The following PRPF8 variants were observed in gnomAD, a reference collection of about 807,000 sequenced individuals.
PRPF8 encodes the protein pre-mRNA processing factor 8.
Under a neutral mutation model 285.9 loss-of-function variants are expected in PRPF8, and 64 were observed. That is an observed-to-expected ratio of 0.22 (90% confidence interval 0.18 to 0.28). The LOEUF (loss-of-function observed/expected upper bound fraction) is 0.28, where lower values mean the gene tolerates loss of function less well. Among genes scored for constraint, PRPF8 ranks in the 10% least tolerant of loss-of-function variants. The probability of loss-of-function intolerance (pLI) is 1.00; values close to 1 mark genes in which losing one functional copy is unlikely to be tolerated. For synonymous variants in PRPF8, 1,325 were observed against 1,118.2 expected (o/e 1.18, Z -3.69); for missense variants, 1,426 against 3,026.7 (o/e 0.47, Z 12.41).
chr17:1,669,878 A>G (rs1426597343), intron 24 of PRPF8, among the ~76,000 whole-genome samples: 1 of 151,962 alleles, frequency 6.6e-6, no homozygotes, highest in Non-Finnish European at 1.5e-5. Flanking sequence ...CTCACTCCAC[A>G]TTGTCCCTGG....
At position 1,680,732 on chromosome 17, in the gene PRPF8, T is replaced by G; in HGVS notation, c.1092A>C (p.Ser364=). The G allele has an allele frequency of 1.2e-6, 2 of 1,612,128 alleles. No homozygotes were observed. Among genetic ancestry groups the G allele is most frequent in the Non-Finnish European group, 1.7e-6 (2 of 1,178,116 alleles). Residue 364 remains serine, a synonymous_variant, in exon 8 of 43, where the codon TCA becomes TCC. Transcript: ENST00000304992. ...CATCCCTTCCCTTCCTCACCTTGAC[T>G]GAGTGCCTATGGGAGATTGGGTTGA... ...PLINPISHRH[S]VKSQEPLPDD...
intron 2 of PRPF8, among the ~76,000 whole-genome samples, chr17:1,684,135 C>T (rs1387221735): frequency 6.6e-6 from 1 of 152,196 alleles, no homozygotes; most frequent in Non-Finnish European, 1.5e-5. Context: ...GATCCGCCCG[C>T]CTGGGCCTCC....
At chr17:1,665,133 C>A (rs1204847540) in intron 24 of PRPF8, among the ~76,000 whole-genome samples, 1 of 133,964 alleles carries the variant, frequency 7.5e-6, no homozygotes, top group African/African-American at 3.3e-5. Flanking sequence ...GCACTCTAGC[C>A]CGGGCGAAAA....
chr17:1,682,583 G>A (rs576397795), intron 3 of PRPF8, among the ~76,000 whole-genome samples: 2 of 151,984 alleles, frequency 1.3e-5, no homozygotes, highest in East Asian at 1.9e-4. Context: ...TATTCCCTCC[G>A]CATCTTCCCA....
At chr17:1,677,440 A>G in intron 14 of PRPF8, 125 bp downstream of exon 14, 1 of 1,422,174 alleles carries the variant, frequency 7.0e-7, no homozygotes, top group Non-Finnish European at 9.9e-7. Context: ...GACTCATTTC[A>G]GAACTGGACC....
At chr17:1,677,290 G>A (rs189515784) in intron 14 of PRPF8, 118 bp from the exon 15 acceptor site, 90 of 1,128,494 alleles carry the variant, frequency 8.0e-5, no homozygotes, top group East Asian at 5.9e-4. Flanking sequence ...TTAACAAAGC[G>A]TCCCTGTGCC....
Position 1,658,245 on chromosome 17 carries a change from C to T in PRPF8, c.5505+8G>A. ...TTCTACAGCCTCTTCATCTTTAAAC[C>T]TGCTCACCTGCCCCAAACGCTTCTG... On this transcript the variant is annotated splice_region_variant and intron_variant, in intron 34 of 42. Coordinates refer to ENST00000304992, the MANE Select transcript of PRPF8 (RefSeq NM_006445.4). This position sits in a 1 kb window ranked among gnomAD's most constrained non-coding sequence, Gnocchi z 4.1. 2 of 1,614,150 alleles carry T rather than the reference C, an allele frequency of 1.2e-6. No individual in the cohort carries two copies. Among genetic ancestry groups the T allele is most frequent in the Non-Finnish European group, 1.7e-6 (2 of 1,180,040 alleles).
At position 1,684,643 on chromosome 17, in the gene PRPF8, G is replaced by A. The variant is rs1456593080; in HGVS notation, c.-11-61C>T. On this transcript the variant is annotated intron_variant, in intron 1 of 42. Coordinates refer to ENST00000304992, the MANE Select transcript of PRPF8 (RefSeq NM_006445.4). ...CAGGCCCGGGCCCACAAGAAGCGCA[G>A]CAGAAAGGCGTCCGGGGACCCCGGC... 26 of 1,491,896 alleles carry A rather than the reference G, an allele frequency of 1.7e-5. No homozygotes were observed. The East Asian group carries it at 5.2e-4, about 30-fold the overall frequency. The allele number at this position is 1,491,896 out of a possible 1,614,324, so 92.4% of individuals were successfully genotyped here.
rs745329367 is a variant in PRPF8, at chr17:1,650,806, G to A, written c.7004C>T (p.Ala2335Val). 4 of 1,613,988 alleles carry A rather than the reference G, an allele frequency of 2.5e-6. No homozygotes were observed. Among genetic ancestry groups the A allele is most frequent in the East Asian group, 2.2e-5 (1 of 44,884 alleles). ...VYSADREDLY[A>V] Reference sequence around the variant, plus strand: ...AAGCAGGAGGCAGGGAAACGGTCAGGCATACAGGTCCTCCCGATCCGCAGA... The same window carrying A: ...AAGCAGGAGGCAGGGAAACGGTCAGACATACAGGTCCTCCCGATCCGCAGA... The change falls in exon 43 of 43, where the codon GCC becomes GTC. Residue 2335 changes from alanine to valine, a missense_variant. By Grantham distance (64) the Ala-to-Val change is moderately conservative (BLOSUM62 0). Transcript: ENST00000304992.
rs1198835068 is a variant in PRPF8, at chr17:1,655,495, C to T, written c.5842G>A (p.Asp1948Asn). The change falls in exon 37 of 43, where the codon GAT (aspartate) becomes AAT (asparagine). Residue 1948 changes from aspartate to asparagine, a missense_variant. Physicochemically the swap from Asp to Asn is conservative, Grantham distance 23. Around this residue, in one of 34 missense-constraint regions of PRPF8, gnomAD observed 35 missense variants for 47.7 expected, o/e 0.73. Transcript: ENST00000304992. ...LILRALHVNNDRAKVILKPDK... is the reference protein window; with the variant it reads ...LILRALHVNNNRAKVILKPDK... ...GGCTTCAGGATCACTTTTGCCCGAT[C>T]GTTGTTCACATGTAGGGCACGCAGA... 1 of 1,613,984 alleles carries T rather than the reference C, an allele frequency of 6.2e-7. No homozygotes were observed.
At position 1,653,402 on chromosome 17, in the gene PRPF8, T is replaced by C. The variant is rs1465312900; in HGVS notation, c.6369+140A>G. On this transcript the variant is annotated intron_variant, in intron 39 of 42. Transcript: ENST00000304992. This position sits in a 1 kb window ranked among gnomAD's most constrained non-coding sequence, Gnocchi z 4.9. ...TCTCATGGGGCCAAAACCCACCTCG[T>C]TGTTTTGGCTATCCTTGTATAATTA... is the stretch of plus-strand genomic sequence containing the variant. 5 of 1,218,892 alleles carry C rather than the reference T, an allele frequency of 4.1e-6. No homozygotes were observed. The African/African-American group carries it at 4.5e-5, about 11-fold the overall frequency. The allele number at this position is 1,218,892 out of a possible 1,614,324, so 75.5% of individuals were successfully genotyped here. A position where few individuals can be genotyped will look rare whatever the true frequency, so the allele number is the denominator to read the frequency against.
At chr17:1,671,873 A>T (rs943840467) in intron 24 of PRPF8, among the ~76,000 whole-genome samples, 2,159 of 150,050 alleles carry the variant, frequency 0.014, 62 homozygotes, top group African/African-American at 0.051. Flanking sequence ...AAAAAAAAAA[A>T]AATTAAAAAT....
chr17:1,653,720 C>T lies in PRPF8; in HGVS notation c.6228-37G>A. ...CAGGGAGTGTCAGCATCGCTCAGCC[C>T]AGCACCTTAGGTAGTGCAGCCGGCC... On this transcript the variant is annotated intron_variant, in intron 38 of 42. Coordinates refer to ENST00000304992, the MANE Select transcript of PRPF8 (RefSeq NM_006445.4). This position sits in a 1 kb window ranked among gnomAD's most constrained non-coding sequence, Gnocchi z 4.9. 1 of 1,614,152 alleles carries T rather than the reference C, an allele frequency of 6.2e-7. No homozygotes were observed. The highest frequency in any genetic ancestry group is 8.5e-7 in the Non-Finnish European group (1 of 1,180,030).
intron 24 of PRPF8, 92 bp downstream of exon 24, chr17:1,672,989 G>A: frequency 8.4e-7 from 1 of 1,187,696 alleles, no homozygotes. Flanking sequence ...AGAAGAGAAG[G>A]AAGCAGCCAG....
At position 1,658,827 on chromosome 17, in the gene PRPF8, C is replaced by T. The variant is rs762523465; in HGVS notation, c.5139-64G>A. 5.1e-6 allele frequency: 7 copies of T among 1,383,796 alleles called. No homozygotes were observed. Among genetic ancestry groups the T allele is most frequent in the South Asian group, 3.5e-5 (3 of 86,136 alleles). 85.7% of individuals were successfully genotyped at this position (1,383,796 alleles called of 1,614,324 possible). On this transcript the variant is annotated intron_variant, in intron 32 of 42. Transcript: ENST00000304992. This position sits in a 1 kb window ranked among gnomAD's most constrained non-coding sequence, Gnocchi z 4.1. ...ATGACAGCCCCAGAAACAAGACAAG[C>T]TGCCAACTCTACAGAGGAAGAAAGA...
Position 1,679,252 on chromosome 17 carries a change from T to C in PRPF8, c.1409+39A>G. On this transcript the variant is annotated intron_variant, in intron 10 of 42. Transcript: ENST00000304992. This position sits in a 1 kb window ranked among gnomAD's most constrained non-coding sequence, Gnocchi z 4.7. ...GTAAGAGTCAGCCTACTGATATCTC[T>C]GGAACAGAAGTCTGCGCAGGGCCCC... The C allele has an allele frequency of 6.2e-7, 1 of 1,614,192 alleles. No homozygotes were observed. The highest frequency in any genetic ancestry group is 1.1e-5 in the South Asian group (1 of 91,084).
At chr17:1,678,905 CAG>C (rs1567690323) in intron 11 of PRPF8, 24 bp from the exon 12 acceptor site, 24 of 1,614,010 alleles carry the variant, frequency 1.5e-5, no homozygotes, top group Non-Finnish European at 1.9e-5. Flanking sequence ...AAAAAACAGA[CAG>C]AACGTGAATG....
Position 1,683,439 on chromosome 17 carries a change from A to G in PRPF8, c.269+94T>C, listed in dbSNP as rs1913048744. 3 of 1,372,026 alleles carry G rather than the reference A, an allele frequency of 2.2e-6. No individual in the cohort carries two copies. The Admixed American group carries it at 5.0e-5, about 23-fold the overall frequency. 85.0% of individuals were successfully genotyped at this position (1,372,026 alleles called of 1,614,324 possible). A position where few individuals can be genotyped will look rare whatever the true frequency, so the allele number is the denominator to read the frequency against. On this transcript the variant is annotated intron_variant, in intron 3 of 42. Coordinates refer to ENST00000304992, the MANE Select transcript of PRPF8 (RefSeq NM_006445.4). ...TTTCTCCTTTCTCTTATATCCACCA[A>G]GATGAGCTGTCAAAGCATCAATCCA...
Position 1,676,822 on chromosome 17 carries a change from T to C in PRPF8, c.2182-111A>G. 6 of 1,484,390 alleles carry C rather than the reference T, an allele frequency of 4.0e-6. No homozygotes were observed. The South Asian group carries it at 6.8e-5, about 17-fold the overall frequency. The allele number at this position is 1,484,390 out of a possible 1,614,324, so 92.0% of individuals were successfully genotyped here. A position where few individuals can be genotyped will look rare whatever the true frequency, so the allele number is the denominator to read the frequency against. ...GGAGGATCGCTTGAGCTCAGGAGCTTGAGGCCAGCCTAAGCAACATGGTGC... is the reference window on the plus strand; with the variant it reads ...GGAGGATCGCTTGAGCTCAGGAGCTCGAGGCCAGCCTAAGCAACATGGTGC... On this transcript the variant is annotated intron_variant, in intron 15 of 42. Coordinates refer to ENST00000304992, the MANE Select transcript of PRPF8 (RefSeq NM_006445.4). The surrounding 1 kb of genome is among the most constrained non-coding windows in gnomAD (Gnocchi z 6.3).
Sources: allele counts gnomAD v4.1 joint callset (sites outside exome capture counted in the v4.1 genomes callset), GRCh38; gene constraint gnomAD v4.1.1; regional missense constraint gnomAD v4.1.1; non-coding constraint Gnocchi (gnomAD v3.1); transcripts MANE v1.5; gene names NCBI Gene and HGNC (gene_info 2026-07-23, HGNC 2026-07-21).